RAB37: variants seen among roughly 807,000 people sequenced by gnomAD.
RAB37 encodes the protein RAB37, member RAS oncogene family.
In RAB37, 29 loss-of-function variants were observed where a neutral mutation model predicts 33.1. The ratio of observed to expected loss-of-function variants is 0.88; its 90% CI spans 0.65 to 1.20. The LOEUF (loss-of-function observed/expected upper bound fraction) is 1.20, where lower values mean the gene tolerates loss of function less well. Ranked by LOEUF, RAB37 falls within the 50% of genes most tolerant of loss-of-function variation. The probability of loss-of-function intolerance (pLI) is 0.00; values close to 1 mark genes in which losing one functional copy is unlikely to be tolerated. For synonymous variants in RAB37, 128 were observed against 119.5 expected (o/e 1.07, Z -0.47); for missense variants, 299 against 301.1 (o/e 0.99, Z 0.05).
intron 1 of RAB37, among the ~76,000 whole-genome samples, chr17:74,726,480 G>T (rs1430078333): frequency 6.6e-6 from 1 of 152,210 alleles, no homozygotes; most frequent in African/African-American, 2.4e-5. Context: ...AGACACGAAT[G>T]AGGGGAACGT....
intron 1 of RAB37, among the ~76,000 whole-genome samples, chr17:74,684,321 GACCTCAAGTGATCC>G (rs1295339370): frequency 2.0e-5 from 3 of 149,674 alleles, no homozygotes; most frequent in Non-Finnish European, 4.4e-5. Flanking sequence ...ATGAACTCCA[GACCTCAAGTGATCC>G]ACCTGCCTCA....
At chr17:74,700,964 A>G (rs1486523586) in intron 1 of RAB37, among the ~76,000 whole-genome samples, 1 of 152,166 alleles carries the variant, frequency 6.6e-6, no homozygotes, top group African/African-American at 2.4e-5. Context: ...AGAAGAGATC[A>G]GGACACAGAC....
At chr17:74,709,437 C>T (rs148467131) in intron 1 of RAB37, among the ~76,000 whole-genome samples, 31 of 152,224 alleles carry the variant, frequency 2.0e-4, no homozygotes, top group South Asian at 4.1e-4. Flanking sequence ...ACACTTAGTG[C>T]GAGACATTCA....
upstream of RAB37, chr17:74,737,255 C>T (rs764325839): frequency 1.9e-6 from 3 of 1,552,626 alleles, no homozygotes; most frequent in Non-Finnish European, 8.7e-7. Context: ...CGGCACTGCT[C>T]ACCTCTCGTC....
chr17:74,728,676 G>C (rs1221745355), intron 1 of RAB37, among the ~76,000 whole-genome samples: 1 of 149,918 alleles, frequency 6.7e-6, no homozygotes, highest in Non-Finnish European at 1.5e-5. Context: ...GCATATGTTT[G>C]TGTGTGCATG....
intron 2 of RAB37, among the ~76,000 whole-genome samples, chr17:74,741,439 A>G (rs559420153): frequency 6.6e-6 from 1 of 152,238 alleles, no homozygotes; most frequent in Admixed American, 6.5e-5. Flanking sequence ...TACAAAAATT[A>G]GCCAGGTGTA....
rs145236499 is a variant in RAB37 at position 74,745,593 on chromosome 17, C to A, written c.*182C>A. The stretch of plus-strand genomic sequence containing the variant: ...TTGAGTTCCTGCGGTCTCCCCGCAT[C>A]CACAGGGAGGGTAAAACACTTAGCT... On this transcript the variant is annotated 3_prime_UTR_variant, in exon 9 of 9. Transcript: ENST00000392613. This position sits in a 1 kb window ranked among gnomAD's most constrained non-coding sequence, Gnocchi z 4.5. The A allele has an allele frequency of 3.3e-3, 1,982 of 592,830 alleles. 29 individuals are homozygous for A. The highest frequency in any genetic ancestry group is 0.033 in the African/African-American group (1,768 of 53,784). The allele number at this position is 592,830 out of a possible 1,614,324, so 36.7% of individuals were successfully genotyped here. A position where few individuals can be genotyped will look rare whatever the true frequency, so the allele number is the denominator to read the frequency against.
At position 74,744,905 on chromosome 17, in the gene RAB37, CG is replaced by C. The variant is rs774340753; in HGVS notation, c.466del (p.Glu156LysfsTer23). Reference protein sequence around the residue: ...DMSSERVIRSEDGETLAREYG... With the variant: ...DMSSERVIRSXDGETLAREYG... ...TGAGCAGCGAAAGAGTGATCCGTTC[CG>C]AAGACGGAGAGACCTTGGCCAGGGT... On this transcript the variant is annotated frameshift_variant, in exon 7 of 9. Coordinates refer to ENST00000392613, the MANE Select transcript of RAB37 (RefSeq NM_001006638.3). LOFTEE classifies it high-confidence loss of function. The surrounding 1 kb of genome is among the most constrained non-coding windows in gnomAD (Gnocchi z 4.2). The C allele has an allele frequency of 2.5e-6, 4 of 1,614,256 alleles. No homozygotes were observed. In the South Asian group the frequency reaches 4.4e-5, roughly 18 times the overall value.
intron 1 of RAB37, among the ~76,000 whole-genome samples, chr17:74,699,966 C>CTCCG (rs1394973682): frequency 6.6e-6 from 1 of 151,832 alleles, no homozygotes; most frequent in Non-Finnish European, 1.5e-5. Context: ...CATGGTGAAA[C>CTCCG]TCCGTCTCTA....
chr17:74,697,414 A>C (rs1352050092), intron 1 of RAB37, among the ~76,000 whole-genome samples: 1 of 152,210 alleles, frequency 6.6e-6, no homozygotes, highest in African/African-American at 2.4e-5. Context: ...CACAGAAAGC[A>C]CTTAGACCTT....
intron 1 of RAB37, among the ~76,000 whole-genome samples, chr17:74,688,740 G>A (rs1401554725): frequency 1.3e-5 from 2 of 152,136 alleles, no homozygotes; most frequent in Non-Finnish European, 2.9e-5. Context: ...GAATGAATGA[G>A]AGAACTGTAA....
chr17:74,719,848 A>C (rs2034216191), intron 1 of RAB37, among the ~76,000 whole-genome samples: 1 of 152,192 alleles, frequency 6.6e-6, no homozygotes, highest in Non-Finnish European at 1.5e-5. Context: ...TTTTTAAAAC[A>C]TAGAAAAAGA....
intron 1 of RAB37, among the ~76,000 whole-genome samples, chr17:74,716,626 A>G (rs1459802374): frequency 6.6e-6 from 1 of 152,188 alleles, no homozygotes; most frequent in African/African-American, 2.4e-5. Context: ...TCACATAGCT[A>G]GTAAGTGGCA....
At chr17:74,693,082 CAG>C (rs1257379345) in intron 1 of RAB37, among the ~76,000 whole-genome samples, 4 of 152,184 alleles carry the variant, frequency 2.6e-5, no homozygotes, top group Non-Finnish European at 5.9e-5. Flanking sequence ...AGCAACAAGA[CAG>C]AGAGAAATTG....
rs186522378 is a variant in RAB37 at position 74,707,505 on chromosome 17, A to G, written c.73-21751A>G. Among the ~76,000 whole-genome samples, 68 of 152,316 alleles carry G rather than the reference A, an allele frequency of 4.5e-4. No individual in the cohort carries two copies. The East Asian group carries it at 0.013, about 29-fold the overall frequency. ...CACATTGGGTGGATCATCTGAAGTC[A>G]GGAGTTTGAGACCAGCCTAGGCAAC... On this transcript the variant is annotated intron_variant, in intron 1 of 7. Transcript: ENST00000340415.
At chr17:74,672,939 G>T (rs1176801252) in intron 1 of RAB37, 3 of 152,246 alleles carry the variant, frequency 2.0e-5, no homozygotes, top group Admixed American at 6.5e-5. Context: ...CAGGTCTCTA[G>T]ATCTGACAGT....
At chr17:74,731,478 C>T (rs2034383613) in intron 2 of RAB37, among the ~76,000 whole-genome samples, 1 of 152,170 alleles carries the variant, frequency 6.6e-6, no homozygotes, top group Non-Finnish European at 1.5e-5. Flanking sequence ...TGGGACCTGC[C>T]CAGGTCCTGT....
In RAB37 at chr17:74,676,036, A is replaced by G. The variant is rs1191494707; in HGVS notation, c.72+4378A>G. Reference sequence around the variant, plus strand: ...GAACTCTCAGTTCTCTCTTGCCACCAGCTTCAAGAGCCATCCAGGGCAATG... The same window carrying G: ...GAACTCTCAGTTCTCTCTTGCCACCGGCTTCAAGAGCCATCCAGGGCAATG... On this transcript the variant is annotated intron_variant, in intron 1 of 7. Coordinates refer to the RAB37 transcript ENST00000340415. The surrounding 1 kb of genome is among the most constrained non-coding windows in gnomAD (Gnocchi z 4.1). Among the ~76,000 whole-genome samples, 2 of 152,198 alleles carry G rather than the reference A, an allele frequency of 1.3e-5. No homozygotes were observed. The highest frequency in any genetic ancestry group is 4.8e-5 in the African/African-American group (2 of 41,444).
At chr17:74,675,165 T>C (rs1373245559) in intron 1 of RAB37, among the ~76,000 whole-genome samples, 3 of 152,120 alleles carry the variant, frequency 2.0e-5, no homozygotes, top group African/African-American at 4.8e-5. Context: ...AGTGGTTGTA[T>C]TGGCTGGGCG....
Sources: gnomAD v4.1 joint callset for allele counts (sites outside exome capture counted in the v4.1 genomes callset) on GRCh38, gnomAD v4.1.1 for gene constraint, Gnocchi (gnomAD v3.1) non-coding constraint, MANE v1.5 for transcripts, NCBI Gene and HGNC (gene_info 2026-07-23, HGNC 2026-07-21) for gene names.